The following ADAM32 variants were observed in gnomAD, a reference collection of about 807,000 sequenced individuals.
The protein encoded by ADAM32 is ADAM metallopeptidase domain 32, also known as disintegrin and metalloproteinase domain-containing protein 32.
ADAM32 carries 89 observed loss-of-function variants against 114.9 expected under a neutral mutation model. That is an observed-to-expected ratio of 0.77 (90% CI 0.65 to 0.92). The LOEUF (loss-of-function observed/expected upper bound fraction) is 0.92, where lower values mean the gene tolerates loss of function less well. ADAM32 is among the 40% of genes least tolerant of loss of function. ADAM32 has a pLI of 0.00. For missense variants in ADAM32, 870 were observed against 932.8 expected (o/e 0.93, Z 0.88); for synonymous variants, 285 against 307.5 (o/e 0.93, Z 0.77).
intron 4 of ADAM32, among the ~76,000 whole-genome samples, chr8:39,149,167 G>A (rs908376897): frequency 6.6e-6 from 1 of 152,082 alleles, no homozygotes; most frequent in Non-Finnish European, 1.5e-5. Context: ...TTTTATAACT[G>A]TAGATTTTTT....
At chr8:39,266,135 G>C (rs142719448) in intron 19 of ADAM32, among the ~76,000 whole-genome samples, 68 of 152,206 alleles carry the variant, frequency 4.5e-4, no homozygotes, top group Non-Finnish European at 7.4e-4. Flanking sequence ...TGATGACTAT[G>C]TGTCTTGGGG....
At chr8:39,163,249 G>A (rs1804622334) in intron 7 of ADAM32, among the ~76,000 whole-genome samples, 2 of 152,158 alleles carry the variant, frequency 1.3e-5, no homozygotes, top group South Asian at 2.1e-4. Context: ...GTATATTGAA[G>A]CCAACAGATC....
At position 39,187,808 on chromosome 8, in the gene ADAM32, C is replaced by G. The variant is rs544007344; in HGVS notation, c.1052+763C>G. 3.4e-3 allele frequency among the ~76,000 whole-genome samples: 512 copies of G among 151,906 alleles called. 7 individuals are homozygous for G. Among genetic ancestry groups the G allele is most frequent in the African/African-American group, 0.011 (467 of 41,392 alleles). On this transcript the variant is annotated intron_variant, in intron 11 of 24. Coordinates refer to ENST00000379907, the MANE Select transcript of ADAM32 (RefSeq NM_145004.7). ...TCATCTTTAAATGGGAATAATTATG[C>G]CTATTCTTTTATTTCACAGGGTGAT... is the stretch of plus-strand genomic sequence containing the variant.
chr8:39,166,161 C>G (rs1804822360), intron 9 of ADAM32: 1 of 152,172 alleles, frequency 6.6e-6, no homozygotes, highest in Admixed American at 6.5e-5. Context: ...GCAGTATACA[C>G]TGCACCATAT....
chr8:39,234,800 A>G (rs1362681251), intron 16 of ADAM32, among the ~76,000 whole-genome samples: 1 of 152,236 alleles, frequency 6.6e-6, no homozygotes. Flanking sequence ...AGGCATTGGA[A>G]GTAGAACACA....
intron 19 of ADAM32, among the ~76,000 whole-genome samples, chr8:39,264,145 G>A (rs772489452): frequency 1.3e-5 from 2 of 152,026 alleles, no homozygotes; most frequent in Admixed American, 6.6e-5. Context: ...AGGTTCAGGG[G>A]GTACATGTTC....
At chr8:39,275,089 A>G (rs77554829) in intron 21 of ADAM32, among the ~76,000 whole-genome samples, 32,143 of 152,086 alleles carry the variant, frequency 0.21, 3,723 homozygotes, top group East Asian at 0.29. Flanking sequence ...TTCTGAAGCA[A>G]TTTCCCTGAT....
intron 11 of ADAM32, among the ~76,000 whole-genome samples, chr8:39,194,136 G>A (rs1222548315): frequency 2.0e-5 from 3 of 152,178 alleles, no homozygotes; most frequent in African/African-American, 4.8e-5. Context: ...AACAGCTACT[G>A]TTCATGTATT....
In ADAM32 at chr8:39,161,440, C is replaced by T. The variant is rs138286385; in HGVS notation, c.594+475C>T. Among the ~76,000 whole-genome samples the T allele has an allele frequency of 6.6e-5, 10 of 152,248 alleles. No individual in the cohort carries two copies. In the East Asian group the frequency reaches 1.9e-3, roughly 29 times the overall value. ...TTTTGGTGGGGCACCCATTCTAGTC[C>T]ATTGTTTACCTGTTGAAAAGAGTAC... On this transcript the variant is annotated intron_variant, in intron 7 of 24. Coordinates refer to ENST00000379907, the MANE Select transcript of ADAM32 (RefSeq NM_145004.7).
chr8:39,125,217 G>A (rs1179076211), intron 2 of ADAM32, among the ~76,000 whole-genome samples: 1 of 151,820 alleles, frequency 6.6e-6, no homozygotes, highest in Admixed American at 6.6e-5. Context: ...TTATAAATTT[G>A]CTTACGTTCC....
chr8:39,207,183 A>G (rs1214164629), intron 11 of ADAM32, among the ~76,000 whole-genome samples: 1 of 151,948 alleles, frequency 6.6e-6, no homozygotes, highest in Admixed American at 6.5e-5. Context: ...TACATCTCAG[A>G]AGTTTTTTTT....
At chr8:39,257,580 G>A (rs1422501564) in intron 19 of ADAM32, among the ~76,000 whole-genome samples, 1 of 138,716 alleles carries the variant, frequency 7.2e-6, no homozygotes, top group Admixed American at 7.2e-5. Context: ...GAGAGAGGAA[G>A]AAGTCAAATG....
intron 2 of ADAM32, among the ~76,000 whole-genome samples, chr8:39,128,647 TG>T (rs763669093): frequency 2.6e-5 from 4 of 152,218 alleles, no homozygotes; most frequent in East Asian, 3.8e-4. Flanking sequence ...TTGTAGTGGC[TG>T]GTAACAGGTT....
chr8:39,136,141 A>G (rs1802787064), intron 2 of ADAM32, among the ~76,000 whole-genome samples: 1 of 152,202 alleles, frequency 6.6e-6, no homozygotes, highest in Non-Finnish European at 1.5e-5. Context: ...AGATATTCCA[A>G]CCTATTGTCA....
chr8:39,157,553 CT>C, intron 6 of ADAM32: 1 of 507,626 alleles, frequency 2.0e-6, no homozygotes. Context: ...CTCCTTCTTC[CT>C]TTGCAATCTG....
Position 39,221,693 on chromosome 8 carries a change from A to G in ADAM32, c.1317A>G (p.Lys439=). 1 of 1,609,276 alleles carries G rather than the reference A, an allele frequency of 6.2e-7. No individual in the cohort carries two copies. Among genetic ancestry groups the G allele is most frequent in the Non-Finnish European group, 8.5e-7 (1 of 1,176,962 alleles). Reference sequence around the variant, plus strand: ...AATGTTATAAAGGACTGTGCTGCAAAGACTGTCAAGTAAGATTTAAGCTTA... The same window carrying G: ...AATGTTATAAAGGACTGTGCTGCAAGGACTGTCAAGTAAGATTTAAGCTTA... ...GAKCYKGLCC[K]DCQILQSGVE... The change falls in exon 13 of 25, where the codon AAA becomes AAG. Residue 439 remains lysine, a synonymous_variant. Coordinates refer to ENST00000379907, the MANE Select transcript of ADAM32 (RefSeq NM_145004.7).
intron 22 of ADAM32, among the ~76,000 whole-genome samples, chr8:39,279,633 CTCTA>C: frequency 6.6e-6 from 1 of 152,194 alleles, no homozygotes; most frequent in Admixed American, 6.5e-5. Context: ...CTTTCTACCT[CTCTA>C]TCTGACATTG....
chr8:39,123,263 A>G (rs1801897320), intron 2 of ADAM32, among the ~76,000 whole-genome samples: 1 of 152,186 alleles, frequency 6.6e-6, no homozygotes, highest in Non-Finnish European at 1.5e-5. Flanking sequence ...TTTTAGGGCA[A>G]GATTTGGAAT....
intron 11 of ADAM32, among the ~76,000 whole-genome samples, chr8:39,200,015 C>G (rs891572130): frequency 6.6e-6 from 1 of 152,232 alleles, no homozygotes; most frequent in Non-Finnish European, 1.5e-5. Context: ...TTAATCCACT[C>G]TATCACTGAT....
Sources: allele counts gnomAD v4.1 joint callset (sites outside exome capture counted in the v4.1 genomes callset), GRCh38; gene constraint gnomAD v4.1.1; transcripts MANE v1.5; gene names NCBI Gene and HGNC (gene_info 2026-07-23, HGNC 2026-07-21).